The following DENND2B variants were observed in gnomAD, a reference collection of about 807,000 sequenced individuals.
DENND2B encodes the protein DENN domain containing 2B.
DENND2B carries 32 observed loss-of-function variants against 116.0 expected under a neutral mutation model. The ratio of observed to expected loss-of-function variants is 0.28; its 90% CI spans 0.21 to 0.37. DENND2B has a LOEUF of 0.37. Ranked by LOEUF, DENND2B falls within the 10% of genes least tolerant of loss-of-function variation. The pLI, the probability that DENND2B is intolerant of heterozygous loss-of-function variation, is 1.00. For synonymous variants in DENND2B, 588 were observed against 583.9 expected (o/e 1.01, Z -0.10); for missense variants, 1,276 against 1,477.7 (o/e 0.86, Z 2.24).
rs749341748 is a variant in DENND2B, at chr11:8,715,830, G to A, written c.1630-12C>T. 3.1e-6 allele frequency: 5 copies of A among 1,587,548 alleles called. No individual in the cohort carries two copies. The highest frequency in any genetic ancestry group is 1.9e-4 in the Middle Eastern group (1 of 5,298). ...GGTTTCAGGGAAAGCTGGCGTGGGGGAGAGGACGTGCGAGAGGGGCTTGCC... is the reference window on the plus strand; with the variant it reads ...GGTTTCAGGGAAAGCTGGCGTGGGGAAGAGGACGTGCGAGAGGGGCTTGCC... On this transcript the variant is annotated splice_polypyrimidine_tract_variant and intron_variant, in intron 5 of 19. Coordinates refer to ENST00000313726, the MANE Select transcript of DENND2B (RefSeq NM_213618.2).
At chr11:8,769,474 G>A (rs1384970613) in intron 1 of DENND2B, among the ~76,000 whole-genome samples, 2 of 151,984 alleles carry the variant, frequency 1.3e-5, no homozygotes, top group Admixed American at 6.6e-5. Flanking sequence ...TGGCCAGGCT[G>A]GTATCGAACT....
At chr11:8,762,586 C>A (rs768340641) in intron 1 of DENND2B, among the ~76,000 whole-genome samples, 4 of 152,212 alleles carry the variant, frequency 2.6e-5, no homozygotes, top group Non-Finnish European at 4.4e-5. Flanking sequence ...TAAGACCAGG[C>A]CCAGTGGCTC....
chr11:8,765,144 C>A (rs979606458), intron 1 of DENND2B, among the ~76,000 whole-genome samples: 2 of 151,958 alleles, frequency 1.3e-5, no homozygotes, highest in Non-Finnish European at 2.9e-5. Flanking sequence ...ACACACAGAC[C>A]CTGGTCAAAC....
intron 7 of DENND2B, 142 bp from the exon 8 acceptor site, chr11:8,714,184 G>A (rs1304457117): frequency 1.9e-5 from 16 of 833,314 alleles, no homozygotes; most frequent in Non-Finnish European, 3.9e-6. Flanking sequence ...GCATCTGCAG[G>A]CAGGGAGCTG....
At chr11:8,746,734 A>G (rs2051326345) in intron 2 of DENND2B, among the ~76,000 whole-genome samples, 1 of 152,206 alleles carries the variant, frequency 6.6e-6, no homozygotes, top group Non-Finnish European at 1.5e-5. Flanking sequence ...CAGATCATGA[A>G]AAGCCCTGCA....
intron 1 of DENND2B, among the ~76,000 whole-genome samples, chr11:8,805,424 T>C (rs1213320851): frequency 6.6e-6 from 1 of 152,208 alleles, no homozygotes; most frequent in Non-Finnish European, 1.5e-5. Flanking sequence ...CGAACAAAAC[T>C]AGAGTTTTAA....
chr11:8,791,747 C>T (rs1461661127), intron 1 of DENND2B, among the ~76,000 whole-genome samples: 1 of 141,760 alleles, frequency 7.1e-6, no homozygotes, highest in African/African-American at 2.5e-5. Flanking sequence ...GCCTGGGCTA[C>T]AGAGCAAGAC....
chr11:8,706,188 T>A (rs1180134338), intron 13 of DENND2B, among the ~76,000 whole-genome samples: 3 of 152,200 alleles, frequency 2.0e-5, no homozygotes, highest in Non-Finnish European at 4.4e-5. Flanking sequence ...GAGGCTGCAG[T>A]GAGCCATGAT....
intron 3 of DENND2B, 136 bp from the exon 4 acceptor site, chr11:8,726,345 C>A (rs995436286): frequency 2.6e-6 from 3 of 1,142,114 alleles, no homozygotes; most frequent in African/African-American, 1.6e-5. Context: ...AAGGTGGGTC[C>A]AAACTTACCA....
rs149381128 is a variant in DENND2B, at chr11:8,730,162, C to T, written c.1128G>A (p.Ser376=). Residue 376 remains serine (S), a synonymous_variant, in exon 3 of 20, where the codon TCG becomes TCA. Transcript: ENST00000313726. This position sits in a 1 kb window ranked among gnomAD's most constrained non-coding sequence, Gnocchi z 4.1. The stretch of plus-strand genomic sequence containing the variant: ...TCACAGCGGGATCGAGGGAACTCTT[C>T]GATGGCAGCCGCTGGGAGCTAGGGC... ...GNSPSSQRLP[S]KSSLDPAVNP... 9.8e-4 allele frequency: 1,579 copies of T among 1,614,146 alleles called. 19 individuals carry two copies. Among genetic ancestry groups the T allele is most frequent in the South Asian group, 9.3e-3 (848 of 91,086 alleles).
intron 1 of DENND2B, among the ~76,000 whole-genome samples, chr11:8,888,680 G>A (rs1415519964): frequency 6.6e-6 from 1 of 152,088 alleles, no homozygotes; most frequent in Non-Finnish European, 1.5e-5. Context: ...TATCTGATAA[G>A]GGATTAACAT....
chr11:8,869,110 T>C (rs918173069), intron 2 of DENND2B, among the ~76,000 whole-genome samples: 2 of 152,246 alleles, frequency 1.3e-5, no homozygotes, highest in African/African-American at 2.4e-5. Context: ...TCTAAGCCAA[T>C]TGATCTGAAA....
At position 8,718,398 on chromosome 11, in the gene DENND2B, G is replaced by C. The variant is rs969481821; in HGVS notation, c.1478-506C>G. Reference sequence around the variant, plus strand: ...ATGGAGGAACTCACAGAACCGTAGGGAGCAGGGCTTCGCCAGGCCCCCTTC... The same window carrying C: ...ATGGAGGAACTCACAGAACCGTAGGCAGCAGGGCTTCGCCAGGCCCCCTTC... On this transcript the variant is annotated intron_variant, in intron 4 of 19. Transcript: ENST00000313726. 13 of 1,533,130 alleles carry C rather than the reference G, an allele frequency of 8.5e-6. No homozygotes were observed. The Admixed American group carries it at 1.4e-4, about 16-fold the overall frequency. 95.0% of individuals were successfully genotyped at this position (1,533,130 alleles called of 1,614,324 possible).
intron 1 of DENND2B, among the ~76,000 whole-genome samples, chr11:8,789,654 C>T (rs1219861941): frequency 1.3e-5 from 2 of 152,082 alleles, no homozygotes; most frequent in African/African-American, 4.8e-5. Context: ...AGAACCTGAA[C>T]AATACCCCAA....
chr11:8,857,657 C>T (rs1440845305), intron 2 of DENND2B, among the ~76,000 whole-genome samples: 1 of 152,208 alleles, frequency 6.6e-6, no homozygotes, highest in Non-Finnish European at 1.5e-5. Flanking sequence ...GCTCATGCTG[C>T]CCCTGGTTAC....
intron 13 of DENND2B, chr11:8,703,447 G>A (rs536579868): frequency 6.6e-6 from 1 of 152,566 alleles, no homozygotes; most frequent in African/African-American, 2.4e-5. Context: ...CCACTTCTCT[G>A]GGGGAGTCAC....
rs773854558 is a variant in DENND2B, at chr11:8,702,675, C to G, written c.2617G>C (p.Asp873His). The change falls in exon 14 of 20, where the codon GAC (aspartate) becomes CAC (histidine). Residue 873 changes from aspartate (D) to histidine (H), a missense_variant. Around this residue, in one of 2 missense-constraint regions of DENND2B, gnomAD observed 420 missense variants for 631.1 expected, o/e 0.67. Coordinates refer to ENST00000313726, the MANE Select transcript of DENND2B (RefSeq NM_213618.2). The surrounding 1 kb of genome is among the most constrained non-coding windows in gnomAD (Gnocchi z 4.6). Reference sequence around the variant, plus strand: ...AGGCAGGTAAAAAGGCACTCAAAGTCCACGTGCTCCAGCCTTGAGTCCATG... The same window carrying G: ...AGGCAGGTAAAAAGGCACTCAAAGTGCACGTGCTCCAGCCTTGAGTCCATG... Reference protein sequence around the residue: ...RPMDSRLEHVDFECLFTCLSV... With the variant: ...RPMDSRLEHVHFECLFTCLSV... The G allele has an allele frequency of 6.2e-7, 1 of 1,613,964 alleles. No individual in the cohort carries two copies. Among genetic ancestry groups the G allele is most frequent in the South Asian group, 1.1e-5 (1 of 91,080 alleles).
chr11:8,755,899 T>C (rs559008507), intron 1 of DENND2B, among the ~76,000 whole-genome samples: 2 of 152,344 alleles, frequency 1.3e-5, no homozygotes, highest in African/African-American at 4.8e-5. Flanking sequence ...TCTAGTGAGA[T>C]ACTCTCTACC....
intron 1 of DENND2B, among the ~76,000 whole-genome samples, chr11:8,756,251 T>C (rs1225180032): frequency 2.0e-5 from 3 of 152,216 alleles, no homozygotes; most frequent in Admixed American, 6.5e-5. Context: ...AATTTCTGCT[T>C]TCAGGAGGGT....
Sources: gnomAD v4.1 joint callset for allele counts (sites outside exome capture counted in the v4.1 genomes callset) on GRCh38, gnomAD v4.1.1 for gene constraint, gnomAD v4.1.1 regional missense constraint, Gnocchi (gnomAD v3.1) non-coding constraint, MANE v1.5 for transcripts, NCBI Gene and HGNC (gene_info 2026-07-23, HGNC 2026-07-21) for gene names.